Variants in RNF169 observed in about 807,000 individuals in gnomAD.
The protein encoded by RNF169 is ring finger protein 169.
Under a neutral mutation model 53.9 loss-of-function variants are expected in RNF169, and 24 were observed. The observed-to-expected ratio is 0.45, with a 90% CI of 0.32 to 0.63. The LOEUF is 0.63. RNF169 is among the 20% of genes least tolerant of loss of function. The pLI is 0.04. For synonymous variants in RNF169, 396 were observed against 363.5 expected (o/e 1.09, Z -1.02); for missense variants, 883 against 906.2 (o/e 0.97, Z 0.33).
intron 2 of RNF169, among the ~76,000 whole-genome samples, chr11:74,804,325 G>C (rs182817058): frequency 6.6e-6 from 1 of 152,132 alleles, no homozygotes; most frequent in Non-Finnish European, 1.5e-5. Context: ...GTTAGGAAAC[G>C]AGTGAATAAA....
At chr11:74,795,983 A>G (rs2035643829) in intron 2 of RNF169, among the ~76,000 whole-genome samples, 1 of 152,188 alleles carries the variant, frequency 6.6e-6, no homozygotes, top group Non-Finnish European at 1.5e-5. Flanking sequence ...TCCTTGCCAA[A>G]CCTTTTTCAT....
rs375638179 is a variant in RNF169, at chr11:74,789,684, T to C, written c.561T>C (p.Tyr187=). The C allele has an allele frequency of 1.1e-5, 17 of 1,598,296 alleles. No homozygotes were observed. The highest frequency in any genetic ancestry group is 9.4e-6 in the Non-Finnish European group (11 of 1,166,090). Reference sequence around the variant, plus strand: ...AGCCTGGGGAACTTCGTGAGGAATATGAAAGCTTGAGAAAGGTATAGTATT... The same window carrying C: ...AGCCTGGGGAACTTCGTGAGGAATACGAAAGCTTGAGAAAGGTATAGTATT... ...LSKPGELREE[Y]ESLRKLREEK... The change falls in exon 2 of 6, where the codon TAT becomes TAC. Residue 187 remains tyrosine, a synonymous_variant. Transcript: ENST00000299563.
At chr11:74,762,115 AT>A (rs774665749) in intron 1 of RNF169, among the ~76,000 whole-genome samples, 19 of 145,750 alleles carry the variant, frequency 1.3e-4, no homozygotes, top group Non-Finnish European at 2.4e-4. Flanking sequence ...AGGCTTCTGC[AT>A]TCTTCATGTA....
chr11:74,804,366 G>C (rs372240548), intron 2 of RNF169, among the ~76,000 whole-genome samples: 5 of 152,208 alleles, frequency 3.3e-5, no homozygotes, highest in African/African-American at 1.2e-4. Flanking sequence ...ATAACAATTT[G>C]TGAAGTGTAT....
chr11:74,824,688 C>T (rs1354667895), intron 4 of RNF169, among the ~76,000 whole-genome samples: 3 of 152,098 alleles, frequency 2.0e-5, no homozygotes, highest in Non-Finnish European at 4.4e-5. Flanking sequence ...ACACAAGAGA[C>T]AGGAAGTGAG....
At chr11:74,751,203 TATGAG>T (rs556158392) in intron 1 of RNF169, among the ~76,000 whole-genome samples, 38 of 152,124 alleles carry the variant, frequency 2.5e-4, no homozygotes, top group African/African-American at 8.5e-4. Flanking sequence ...ACAACATCCC[TATGAG>T]ATAAGTACTT....
At chr11:74,773,588 A>G (rs2035289376) in intron 1 of RNF169, among the ~76,000 whole-genome samples, 1 of 152,174 alleles carries the variant, frequency 6.6e-6, no homozygotes, top group African/African-American at 2.4e-5. Flanking sequence ...ATATTCTTAC[A>G]TGTTTATTTT....
In RNF169 at chr11:74,837,250, A is replaced by C. The variant is rs1277034683; in HGVS notation, c.*520A>C. 6.5e-6 allele frequency: 1 copy of C among 153,046 alleles called. No individual in the cohort carries two copies. 9.5% of individuals were successfully genotyped at this position (153,046 alleles called of 1,614,324 possible). A position where few individuals can be genotyped will look rare whatever the true frequency, so the allele number is the denominator to read the frequency against. ...TCAGTTAAGATTATGCCTTTACAAA[A>C]GTTAATTTACATTCTCTGTTTAAAA... On this transcript the variant is annotated 3_prime_UTR_variant, in exon 6 of 6. Transcript: ENST00000299563.
intron 1 of RNF169, among the ~76,000 whole-genome samples, chr11:74,770,509 T>C (rs1288489117): frequency 1.3e-5 from 2 of 152,248 alleles, no homozygotes; most frequent in Admixed American, 6.5e-5. Context: ...ATTGTGGGGA[T>C]ACATGGTTAC....
intron 1 of RNF169, among the ~76,000 whole-genome samples, chr11:74,783,326 C>T (rs1444144841): frequency 1.3e-5 from 2 of 151,976 alleles, no homozygotes; most frequent in African/African-American, 4.8e-5. Flanking sequence ...GGAACTATAG[C>T]TGTTCCTGTA....
chr11:74,755,171 C>T (rs563636362), intron 1 of RNF169, among the ~76,000 whole-genome samples: 1 of 152,222 alleles, frequency 6.6e-6, no homozygotes, highest in South Asian at 2.1e-4. Context: ...TGAGAGTGTC[C>T]TTATGTGTTA....
At chr11:74,835,263 A>G (rs891735014) in intron 5 of RNF169, among the ~76,000 whole-genome samples, 4 of 152,192 alleles carry the variant, frequency 2.6e-5, no homozygotes, top group Non-Finnish European at 5.9e-5. Flanking sequence ...TTTGGGAGGT[A>G]TAAGCCACCA....
intron 1 of RNF169, among the ~76,000 whole-genome samples, chr11:74,782,755 ATATATAAC>A (rs1227784228): frequency 6.6e-6 from 1 of 152,128 alleles, no homozygotes; most frequent in East Asian, 1.9e-4. Context: ...TAACTATATT[ATATATAAC>A]TATATATTTG....
chr11:74,788,386 C>G (rs2035535039), intron 1 of RNF169, among the ~76,000 whole-genome samples: 1 of 151,800 alleles, frequency 6.6e-6, no homozygotes, highest in Admixed American at 6.6e-5. Flanking sequence ...TCTGCCCGAT[C>G]CATTTTGTTT....
chr11:74,822,627 C>G (rs76806105), intron 4 of RNF169, among the ~76,000 whole-genome samples: 3,228 of 152,250 alleles, frequency 0.021, 111 homozygotes, highest in African/African-American at 0.074. Context: ...TTAAATAATT[C>G]ACTTCAGCTG....
chr11:74,749,009 T>G lies in RNF169; in HGVS notation c.129T>G (p.Ser43=). 1 of 1,499,430 alleles carries G rather than the reference T, an allele frequency of 6.7e-7. No homozygotes were observed. 92.9% of individuals were successfully genotyped at this position (1,499,430 alleles called of 1,614,324 possible). Reference sequence around the variant, plus strand: ...AGACTGGGGCCCCAGGCCCGGCTTCTGGACCTTCGCTGTTGGTGTTGTCGC... The same window carrying G: ...AGACTGGGGCCCCAGGCCCGGCTTCGGGACCTTCGCTGTTGGTGTTGTCGC... ...AAKTGAPGPA[S]GPSLLVLSPP... is the part of the protein sequence containing the mutation. The change falls in exon 1 of 6, where the codon TCT becomes TCG. Residue 43 remains serine (S), a synonymous_variant. Coordinates refer to ENST00000299563, the MANE Select transcript of RNF169 (RefSeq NM_001098638.2).
chr11:74,755,343 A>G (rs1413162854), intron 1 of RNF169, among the ~76,000 whole-genome samples: 2 of 152,252 alleles, frequency 1.3e-5, no homozygotes, highest in Non-Finnish European at 2.9e-5. Flanking sequence ...TTGTTTATTC[A>G]TATTTTCACT....
intron 4 of RNF169, among the ~76,000 whole-genome samples, chr11:74,827,707 T>A (rs1327796452): frequency 6.6e-6 from 1 of 152,146 alleles, no homozygotes; most frequent in Non-Finnish European, 1.5e-5. Flanking sequence ...ATTCTTCACA[T>A]AAACAGAACT....
At chr11:74,803,055 G>C (rs2035755809) in intron 2 of RNF169, among the ~76,000 whole-genome samples, 3 of 151,306 alleles carry the variant, frequency 2.0e-5, no homozygotes, top group South Asian at 4.2e-4. Context: ...TGAGTAGCTG[G>C]GACTACAGGC....
Sources: gnomAD v4.1 joint callset for allele counts (sites outside exome capture counted in the v4.1 genomes callset) on GRCh38, gnomAD v4.1.1 for gene constraint, MANE v1.5 for transcripts, NCBI Gene and HGNC (gene_info 2026-07-23, HGNC 2026-07-21) for gene names.